The following AGBL4 variants were observed in gnomAD, a reference collection of about 807,000 sequenced individuals.
The protein encoded by AGBL4 is AGBL carboxypeptidase 4, also known as cytosolic carboxypeptidase 6.
In AGBL4, 58 loss-of-function variants were observed where a neutral mutation model predicts 66.4. The ratio of observed to expected loss-of-function variants is 0.87; its 90% confidence interval spans 0.71 to 1.09. AGBL4 has a LOEUF of 1.09. AGBL4 is among the 50% of genes least tolerant of loss of function. The probability of loss-of-function intolerance (pLI) is 0.00; values close to 1 mark genes in which losing one functional copy is unlikely to be tolerated. For missense variants in AGBL4, 579 were observed against 631.0 expected (o/e 0.92, Z 0.88); for synonymous variants, 234 against 222.9 (o/e 1.05, Z -0.44).
intron 3 of AGBL4, among the ~76,000 whole-genome samples, chr1:49,329,510 A>G (rs1645289435): frequency 6.6e-6 from 1 of 152,012 alleles, no homozygotes; most frequent in Non-Finnish European, 1.5e-5. Flanking sequence ...TTCTGAAAAT[A>G]CAAAAATTAG....
chr1:48,904,939 T>C (rs962749689), intron 5 of AGBL4, among the ~76,000 whole-genome samples: 1 of 152,124 alleles, frequency 6.6e-6, no homozygotes, highest in Admixed American at 6.5e-5. Context: ...AGTCTGCAGT[T>C]GCAAGGCTCA....
At chr1:48,567,624 C>T (rs17104515) in intron 11 of AGBL4, among the ~76,000 whole-genome samples, 6,615 of 152,200 alleles carry the variant, frequency 0.043, 208 homozygotes, top group East Asian at 0.1. Context: ...CAGTATATTA[C>T]GAATGCAAAG....
At position 48,819,451 on chromosome 1, in the gene AGBL4, G is replaced by A. The variant is rs929559605; in HGVS notation, c.634+47740C>T. On this transcript the variant is annotated intron_variant, in intron 6 of 13. Transcript: ENST00000371839. ...AAGGAAGCATCAAAAGTGTTAAGCA[G>A]GGTCAGGAAGTGGCCAGAGTCATAT... 4.0e-4 allele frequency among the ~76,000 whole-genome samples: 61 copies of A among 152,188 alleles called. 2 individuals are homozygous for A. The highest frequency in any genetic ancestry group is 7.3e-5 in the Non-Finnish European group (5 of 68,040).
At chr1:49,860,827 CT>C (rs941439228) in intron 1 of AGBL4, among the ~76,000 whole-genome samples, 4 of 151,784 alleles carry the variant, frequency 2.6e-5, no homozygotes, top group African/African-American at 9.7e-5. Flanking sequence ...AAAAAAACAC[CT>C]TCTGTAAGAA....
chr1:48,879,701 T>C (rs546687873), intron 5 of AGBL4, among the ~76,000 whole-genome samples: 57 of 152,262 alleles, frequency 3.7e-4, no homozygotes, highest in African/African-American at 1.3e-3. Context: ...CCTCACAACA[T>C]ATCTGTACCA....
At chr1:48,944,694 T>TCC (rs1343349185) in intron 5 of AGBL4, among the ~76,000 whole-genome samples, 1 of 152,060 alleles carries the variant, frequency 6.6e-6, no homozygotes, top group Non-Finnish European at 1.5e-5. Flanking sequence ...GCAACCCTTC[T>TCC]CCTACCCCCA....
chr1:49,896,564 G>A (rs148717626), intron 1 of AGBL4, among the ~76,000 whole-genome samples: 36 of 150,268 alleles, frequency 2.4e-4, no homozygotes, highest in African/African-American at 8.6e-4. Context: ...TATTCTATGA[G>A]GCCAGTAGTA....
intron 4 of AGBL4, among the ~76,000 whole-genome samples, chr1:49,069,868 G>A (rs956840364): frequency 6.6e-6 from 1 of 151,924 alleles, no homozygotes; most frequent in South Asian, 2.1e-4. Flanking sequence ...ACATAAGCAT[G>A]GAATGTTCTT....
intron 4 of AGBL4, among the ~76,000 whole-genome samples, chr1:49,090,068 T>C (rs1644975697): frequency 6.6e-6 from 1 of 152,044 alleles, no homozygotes; most frequent in South Asian, 2.1e-4. Flanking sequence ...CTCAACAAAA[T>C]AGGCACTGAA....
At chr1:49,523,283 A>G (rs1650408418) in intron 3 of AGBL4, among the ~76,000 whole-genome samples, 1 of 152,096 alleles carries the variant, frequency 6.6e-6, no homozygotes, top group South Asian at 2.1e-4. Flanking sequence ...AAATAGGCAC[A>G]TGATTGAAAA....
chr1:48,989,625 A>C (rs1235504404), intron 5 of AGBL4, among the ~76,000 whole-genome samples: 1 of 152,182 alleles, frequency 6.6e-6, no homozygotes, highest in Non-Finnish European at 1.5e-5. Flanking sequence ...AGAACAAACA[A>C]AGTTTGTCAT....
intron 4 of AGBL4, among the ~76,000 whole-genome samples, chr1:49,201,615 T>A (rs1452281555): frequency 1.3e-5 from 2 of 152,172 alleles, no homozygotes; most frequent in Non-Finnish European, 2.9e-5. Flanking sequence ...TAAATTTTAT[T>A]TAAAATGCAA....
Position 48,599,580 on chromosome 1 carries a change from G to A in AGBL4, c.952-8595C>T, listed in dbSNP as rs1424511808. Among the ~76,000 whole-genome samples, 3 of 152,204 alleles carry A rather than the reference G, an allele frequency of 2.0e-5. No individual in the cohort carries two copies. In the East Asian group the frequency reaches 5.8e-4, roughly 29 times the overall value. ...AAGTAAGAGAGGTGGTGGTAGAGGTGAGAAGGCATATTTAATAAATATTGT... is the reference window on the plus strand; with the variant it reads ...AAGTAAGAGAGGTGGTGGTAGAGGTAAGAAGGCATATTTAATAAATATTGT... On this transcript the variant is annotated intron_variant, in intron 9 of 13. Coordinates refer to ENST00000371839, the MANE Select transcript of AGBL4 (RefSeq NM_032785.4).
At chr1:49,605,100 G>T (rs777413334) in intron 3 of AGBL4, among the ~76,000 whole-genome samples, 1 of 152,076 alleles carries the variant, frequency 6.6e-6, no homozygotes, top group Non-Finnish European at 1.5e-5. Flanking sequence ...GGGTCCAAAA[G>T]GTTAGGTAAA....
At chr1:49,619,887 A>C (rs1457884401) in intron 3 of AGBL4, among the ~76,000 whole-genome samples, 3 of 152,236 alleles carry the variant, frequency 2.0e-5, no homozygotes, top group Non-Finnish European at 4.4e-5. Context: ...TCCCTATTTA[A>C]TAAATGGTTT....
chr1:49,973,881 G>A (rs1435066056), intron 1 of AGBL4, among the ~76,000 whole-genome samples: 2 of 151,578 alleles, frequency 1.3e-5, no homozygotes, highest in African/African-American at 4.8e-5. Flanking sequence ...CTGGAGGAAG[G>A]GAATAAGAGA....
intron 5 of AGBL4, among the ~76,000 whole-genome samples, chr1:48,938,097 A>G (rs1323948995): frequency 6.6e-6 from 1 of 152,232 alleles, no homozygotes; most frequent in African/African-American, 2.4e-5. Flanking sequence ...TGTATGGTTC[A>G]TGGTAGGCAT....
intron 5 of AGBL4, among the ~76,000 whole-genome samples, chr1:49,002,739 T>C (rs1661488856): frequency 6.6e-6 from 1 of 152,258 alleles, no homozygotes; most frequent in Non-Finnish European, 1.5e-5. Flanking sequence ...ACCTTTATTC[T>C]ACATTAAAAT....
chr1:48,645,840 T>C (rs1315467535), intron 8 of AGBL4, among the ~76,000 whole-genome samples: 1 of 152,088 alleles, frequency 6.6e-6, no homozygotes, highest in Non-Finnish European at 1.5e-5. Context: ...GACAAACATC[T>C]GGAGCACGTT....
Sources: allele counts gnomAD v4.1 joint callset (sites outside exome capture counted in the v4.1 genomes callset), GRCh38; gene constraint gnomAD v4.1.1; transcripts MANE v1.5; gene names NCBI Gene and HGNC (gene_info 2026-07-23, HGNC 2026-07-21).